The following LARP4B variants were observed in gnomAD, a reference collection of about 807,000 sequenced individuals.
The protein encoded by LARP4B is La ribonucleoprotein 4B.
In LARP4B, 12 loss-of-function variants were observed where a neutral mutation model predicts 89.8. The ratio of observed to expected loss-of-function variants is 0.13; its 90% CI spans 0.09 to 0.22. The LOEUF (loss-of-function observed/expected upper bound fraction) is 0.22, where lower values mean the gene tolerates loss of function less well. Among genes scored for constraint, LARP4B ranks in the 10% least tolerant of loss-of-function variants. The probability of loss-of-function intolerance (pLI) is 1.00; values close to 1 mark genes in which losing one functional copy is unlikely to be tolerated. For synonymous variants in LARP4B, 367 were observed against 363.3 expected, an observed-to-expected ratio of 1.01 and a Z score of -0.12; for missense variants, 757 against 947.7, an observed-to-expected ratio of 0.80 and a Z score of 2.64.
At chr10:939,150 T>C in the LARP4B span, among the ~76,000 whole-genome samples, 3 of 152,368 alleles carry the variant, frequency 2.0e-5, no homozygotes, top group East Asian at 5.8e-4. Flanking sequence ...ACTCCACCCT[T>C]CCTGGCTGTA....
rs1476428359 is a variant in LARP4B, at chr10:829,752, T to C, written c.862-18A>G. 6.3e-7 allele frequency: 1 copy of C among 1,596,498 alleles called. No homozygotes were observed. The highest frequency in any genetic ancestry group is 8.6e-7 in the Non-Finnish European group (1 of 1,165,080). On this transcript the variant is annotated intron_variant, in intron 9 of 17. Transcript: ENST00000316157. The stretch of plus-strand genomic sequence containing the variant: ...TTGTAAGCCTAAGGGCAAAATTAAG[T>C]ACAAAATTCCATTCGATTAACCTTA...
At chr10:832,592 A>G (rs1201032781) in intron 8 of LARP4B, among the ~76,000 whole-genome samples, 1 of 152,250 alleles carries the variant, frequency 6.6e-6, no homozygotes, top group Non-Finnish European at 1.5e-5. Context: ...CAGCAGCCAG[A>G]GAAAGACTTA....
chr10:829,753 A>G lies in LARP4B; in HGVS notation c.862-19T>C. The G allele has an allele frequency of 5.0e-6, 8 of 1,593,388 alleles. No individual in the cohort carries two copies. Among genetic ancestry groups the G allele is most frequent in the Non-Finnish European group, 6.0e-6 (7 of 1,162,258 alleles). ...TGTAAGCCTAAGGGCAAAATTAAGT[A>G]CAAAATTCCATTCGATTAACCTTAT... On this transcript the variant is annotated intron_variant, in intron 9 of 17. Transcript: ENST00000316157.
chr10:927,401 A>C (rs1206630249), intron 1 of LARP4B, among the ~76,000 whole-genome samples: 2 of 152,202 alleles, frequency 1.3e-5, no homozygotes, highest in African/African-American at 2.4e-5. Context: ...TTAGGGGAAA[A>C]AACTTTCAAG....
chr10:863,165 TCCAA>T (rs1054121397), intron 5 of LARP4B, among the ~76,000 whole-genome samples: 2 of 151,486 alleles, frequency 1.3e-5, no homozygotes, highest in African/African-American at 4.9e-5. Flanking sequence ...TACTCTCAAA[TCCAA>T]CATTAACGTT....
At chr10:829,098 G>A (rs988732326) in intron 11 of LARP4B, among the ~76,000 whole-genome samples, 7 of 152,312 alleles carry the variant, frequency 4.6e-5, no homozygotes, top group African/African-American at 1.7e-4. Context: ...ACTCTGTGTA[G>A]GGGACGCCAG....
intron 5 of LARP4B, among the ~76,000 whole-genome samples, chr10:856,126 A>G (rs758210848): frequency 4.5e-4 from 69 of 152,254 alleles, no homozygotes; most frequent in Non-Finnish European, 6.8e-4. Context: ...AGGAATATAA[A>G]CCAAAAGGAA....
At chr10:884,561 T>C (rs1835793834) in intron 2 of LARP4B, 55 bp from the exon 3 acceptor site, 4 of 1,236,824 alleles carry the variant, frequency 3.2e-6, no homozygotes, top group Middle Eastern at 1.9e-4. Flanking sequence ...AGAAACAACA[T>C]ATTTTCAAAC....
chr10:911,530 C>A (rs770320444), intron 1 of LARP4B, among the ~76,000 whole-genome samples: 8 of 152,158 alleles, frequency 5.3e-5, no homozygotes, highest in East Asian at 1.9e-4. Context: ...AGCTTAAGAT[C>A]TTCCTAAAAT....
chr10:836,754 G>C (rs1189299796), intron 7 of LARP4B, among the ~76,000 whole-genome samples: 1 of 152,210 alleles, frequency 6.6e-6, no homozygotes, highest in Admixed American at 6.5e-5. Context: ...AAGAGCAGAT[G>C]AAAATACAGG....
At chr10:896,365 ACC>A (rs1162101344) in intron 1 of LARP4B, among the ~76,000 whole-genome samples, 19 of 152,342 alleles carry the variant, frequency 1.2e-4, no homozygotes, top group African/African-American at 4.6e-4. Flanking sequence ...TGAAATGACT[ACC>A]AAAATAATAA....
intron 3 of LARP4B, among the ~76,000 whole-genome samples, chr10:865,467 T>C (rs1348035802): frequency 6.6e-6 from 1 of 152,180 alleles, no homozygotes; most frequent in Non-Finnish European, 1.5e-5. Flanking sequence ...CGCCCTCCTG[T>C]GCTCACTGCT....
At chr10:937,082 G>A in the LARP4B span, among the ~76,000 whole-genome samples, 6 of 152,022 alleles carry the variant, frequency 3.9e-5, no homozygotes, top group South Asian at 2.1e-4. Flanking sequence ...TTGCTCTGTC[G>A]CCCAGGCTGG....
chr10:984,842 GAATT>G, the LARP4B span, among the ~76,000 whole-genome samples: 1 of 152,164 alleles, frequency 6.6e-6, no homozygotes, highest in Non-Finnish European at 1.5e-5. Context: ...TTAAATCTGA[GAATT>G]GCTTAAACCT....
intron 8 of LARP4B, among the ~76,000 whole-genome samples, chr10:833,526 A>G (rs551618888): frequency 6.6e-6 from 1 of 152,340 alleles, no homozygotes; most frequent in South Asian, 2.1e-4. Context: ...CAGCAAGATG[A>G]TAAATTTAAA....
At chr10:971,620 C>T in the LARP4B span, 6 of 152,186 alleles carry the variant, frequency 3.9e-5, no homozygotes, top group East Asian at 1.9e-4. Context: ...CTGCTAATAA[C>T]GATGATAGCT....
At chr10:844,095 C>A (rs773571772) in intron 6 of LARP4B, among the ~76,000 whole-genome samples, 1 of 152,252 alleles carries the variant, frequency 6.6e-6, no homozygotes, top group Non-Finnish European at 1.5e-5. Context: ...TCGGTGAAGG[C>A]CCATGACTGC....
At chr10:852,670 G>A (rs745949440) in intron 5 of LARP4B, among the ~76,000 whole-genome samples, 5 of 152,186 alleles carry the variant, frequency 3.3e-5, no homozygotes, top group African/African-American at 4.8e-5. Flanking sequence ...ATCAAGATTG[G>A]AGAGAAAGTA....
chr10:905,653 G>A (rs1051378407), intron 1 of LARP4B, among the ~76,000 whole-genome samples: 2 of 150,710 alleles, frequency 1.3e-5, no homozygotes, highest in African/African-American at 2.4e-5. Context: ...GAAAGTGAAC[G>A]TGGGGAGGGG....
Sources: allele counts gnomAD v4.1 joint callset (sites outside exome capture counted in the v4.1 genomes callset), GRCh38; gene constraint gnomAD v4.1.1; transcripts MANE v1.5; gene names NCBI Gene and HGNC (gene_info 2026-07-23, HGNC 2026-07-21).